The following PPP1R1C variants were observed in gnomAD, a reference collection of about 807,000 sequenced individuals.
PPP1R1C encodes protein phosphatase 1 regulatory subunit 1C.
Under a neutral mutation model 17.4 loss-of-function variants are expected in PPP1R1C, and 15 were observed. The ratio of observed to expected loss-of-function variants is 0.86; its 90% CI spans 0.58 to 1.33. The LOEUF (loss-of-function observed/expected upper bound fraction) is 1.33. Ranked by LOEUF, PPP1R1C falls within the 40% of genes most tolerant of loss-of-function variation. PPP1R1C has a pLI of 0.00. For missense variants in PPP1R1C, 143 were observed against 130.0 expected (o/e 1.10, Z -0.48); for synonymous variants, 35 against 43.1 (o/e 0.81, Z 0.73).
chr2:182,075,113 C>G (rs1201403125), intron 4 of PPP1R1C, among the ~76,000 whole-genome samples: 1 of 152,146 alleles, frequency 6.6e-6, no homozygotes, highest in Non-Finnish European at 1.5e-5. Context: ...TACATTGCAT[C>G]CTTTCTGGTA....
At chr2:182,052,726 A>G (rs1220870654) in intron 2 of PPP1R1C, among the ~76,000 whole-genome samples, 4 of 152,242 alleles carry the variant, frequency 2.6e-5, no homozygotes, top group African/African-American at 9.6e-5. Flanking sequence ...ACTTAATCTT[A>G]GGATTAGTAT....
intron 2 of PPP1R1C, chr2:182,030,815 G>A (rs180677301): frequency 2.5e-5 from 4 of 159,762 alleles, no homozygotes; most frequent in Non-Finnish European, 2.7e-5. Context: ...CCCTAGCCTC[G>A]CTGCCGCCTT....
At chr2:181,958,148 G>T (rs11681092) in intron 1 of PPP1R1C, among the ~76,000 whole-genome samples, 1 of 152,172 alleles carries the variant, frequency 6.6e-6, no homozygotes, top group African/African-American at 2.4e-5. Flanking sequence ...AAAATCAGCA[G>T]GGGGGCTTAA....
chr2:181,981,938 T>G (rs186202200), upstream of PPP1R1C, among the ~76,000 whole-genome samples: 42 of 152,362 alleles, frequency 2.8e-4, no homozygotes, highest in South Asian at 8.3e-4. Flanking sequence ...TTTCCAGCAT[T>G]TAATGTAGTC....
chr2:182,098,312 A>G (rs1689002655), intron 4 of PPP1R1C, among the ~76,000 whole-genome samples: 1 of 152,190 alleles, frequency 6.6e-6, no homozygotes, highest in Admixed American at 6.5e-5. Flanking sequence ...ACTCATTTTA[A>G]TTTGGAGATT....
At chr2:181,994,940 G>A (rs1391725821) in intron 2 of PPP1R1C, among the ~76,000 whole-genome samples, 1 of 152,150 alleles carries the variant, frequency 6.6e-6, no homozygotes, top group Non-Finnish European at 1.5e-5. Context: ...AAATTTTACT[G>A]TTTATTCCAA....
intron 2 of PPP1R1C, among the ~76,000 whole-genome samples, chr2:182,050,845 G>A (rs1687492007): frequency 6.6e-6 from 1 of 152,126 alleles, no homozygotes; most frequent in Non-Finnish European, 1.5e-5. Flanking sequence ...TAATCTCAGT[G>A]TACTCTGCAT....
chr2:182,006,259 G>A (rs1685921241), intron 2 of PPP1R1C, among the ~76,000 whole-genome samples: 1 of 152,136 alleles, frequency 6.6e-6, no homozygotes, highest in Non-Finnish European at 1.5e-5. Flanking sequence ...ATATATGGAA[G>A]TGAGGCTTTG....
At chr2:182,012,188 G>T (rs895508845) in intron 2 of PPP1R1C, among the ~76,000 whole-genome samples, 1 of 151,990 alleles carries the variant, frequency 6.6e-6, no homozygotes, top group Non-Finnish European at 1.5e-5. Context: ...TGGATGATCT[G>T]TCCAATGCTG....
chr2:181,962,395 C>A lies in PPP1R1C; in HGVS notation n.111+7761C>A. 2.6e-6 allele frequency: 2 copies of A among 759,196 alleles called. No homozygotes were observed. The highest frequency in any genetic ancestry group is 4.6e-6 in the Non-Finnish European group (2 of 439,066). 47.0% of individuals were successfully genotyped at this position (759,196 alleles called of 1,614,324 possible). A position where few individuals can be genotyped will look rare whatever the true frequency, so the allele number is the denominator to read the frequency against. On this transcript the variant is annotated intron_variant and non_coding_transcript_variant, in intron 1 of 5. Coordinates refer to the PPP1R1C transcript ENST00000464264. This position sits in a 1 kb window ranked among gnomAD's most constrained non-coding sequence, Gnocchi z 6.0. ...CATAGACGCTGGCCATGCAGCTGGC[C>A]GGCCGGGCGCCGTAGTTGGACACCT... is the stretch of plus-strand genomic sequence containing the variant.
At chr2:182,054,912 T>A (rs1687636159) in intron 2 of PPP1R1C, among the ~76,000 whole-genome samples, 1 of 152,038 alleles carries the variant, frequency 6.6e-6, no homozygotes, top group Non-Finnish European at 1.5e-5. Context: ...CCACCTGCGT[T>A]GGCCTCCCAA....
chr2:182,029,259 T>A (rs1476418525), intron 2 of PPP1R1C, among the ~76,000 whole-genome samples: 15 of 150,674 alleles, frequency 1.0e-4, no homozygotes, highest in African/African-American at 3.7e-4. Flanking sequence ...GTCATTATGA[T>A]GTTAGCTGGT....
At chr2:182,062,119 T>C (rs986754325) in intron 3 of PPP1R1C, among the ~76,000 whole-genome samples, 3 of 152,042 alleles carry the variant, frequency 2.0e-5, no homozygotes, top group Non-Finnish European at 2.9e-5. Context: ...AAATAAATAT[T>C]GAATAGGATG....
At chr2:182,084,860 A>G (rs1688581556) in intron 4 of PPP1R1C, among the ~76,000 whole-genome samples, 1 of 152,122 alleles carries the variant, frequency 6.6e-6, no homozygotes, top group African/African-American at 2.4e-5. Flanking sequence ...TGGCCATTTC[A>G]CAATATTGAT....
At chr2:182,119,213 T>C (rs1689668192), downstream of PPP1R1C, among the ~76,000 whole-genome samples, 1 of 152,066 alleles carries the variant, frequency 6.6e-6, no homozygotes, top group Non-Finnish European at 1.5e-5. Context: ...GCTTTATCCA[T>C]GTCCCTACAA....
At chr2:182,078,357 C>G (rs770087244) in intron 4 of PPP1R1C, among the ~76,000 whole-genome samples, 1 of 152,098 alleles carries the variant, frequency 6.6e-6, no homozygotes, top group Non-Finnish European at 1.5e-5. Context: ...AAAGCAGGCT[C>G]TAGATAGAGT....
intron 2 of PPP1R1C, among the ~76,000 whole-genome samples, chr2:182,001,765 C>T (rs1685772758): frequency 6.6e-6 from 1 of 152,070 alleles, no homozygotes; most frequent in South Asian, 2.1e-4. Flanking sequence ...AACTTCACTC[C>T]AAAATCCATT....
chr2:182,038,574 T>A (rs182108149), intron 2 of PPP1R1C, among the ~76,000 whole-genome samples: 1 of 152,188 alleles, frequency 6.6e-6, no homozygotes, highest in African/African-American at 2.4e-5. Flanking sequence ...GCCATTTAGA[T>A]AGGTTGAAAC....
intron 2 of PPP1R1C, 143 bp downstream of exon 2, chr2:181,988,042 G>A (rs185806366): frequency 1.3e-4 from 80 of 628,036 alleles, no homozygotes; most frequent in Admixed American, 6.8e-4. Flanking sequence ...AAAATGGATC[G>A]TAAACAGAAT....
Sources: allele counts gnomAD v4.1 joint callset (sites outside exome capture counted in the v4.1 genomes callset), GRCh38; gene constraint gnomAD v4.1.1; non-coding constraint Gnocchi (gnomAD v3.1); transcripts MANE v1.5; gene names NCBI Gene and HGNC (gene_info 2026-07-23, HGNC 2026-07-21).